CNTN5: variants seen among roughly 807,000 people sequenced by gnomAD.
The protein encoded by CNTN5 is contactin-5.
CNTN5 carries 77 observed loss-of-function variants against 129.1 expected under a neutral mutation model. The observed-to-expected ratio is 0.60, with a 90% CI of 0.50 to 0.72. The LOEUF is 0.72. Among genes scored for constraint, CNTN5 ranks in the 30% least tolerant of loss-of-function variants. CNTN5 has a pLI of 0.00. For missense variants in CNTN5, 1,478 were observed against 1,328.8 expected (o/e 1.11, Z -1.75); for synonymous variants, 509 against 465.6 (o/e 1.09, Z -1.20).
At chr11:100,303,549 T>G (rs1951277518) in intron 20 of CNTN5, among the ~76,000 whole-genome samples, 3 of 131,612 alleles carry the variant, frequency 2.3e-5, no homozygotes. Context: ...GTTGAAAGAT[T>G]TATTTACTTG....
intron 2 of CNTN5, among the ~76,000 whole-genome samples, chr11:99,491,615 C>T (rs113295743): frequency 0.026 from 3,967 of 152,092 alleles, 68 homozygotes; most frequent in Middle Eastern, 0.065. Flanking sequence ...AATGATTCAT[C>T]GAATATACAT....
At chr11:99,383,564 T>A (rs1940734708) in intron 2 of CNTN5, among the ~76,000 whole-genome samples, 1 of 151,852 alleles carries the variant, frequency 6.6e-6, no homozygotes, top group Non-Finnish European at 1.5e-5. Context: ...TTGATACTCA[T>A]TTAGTTTTCA....
At chr11:100,127,096 T>TTTTTTA (rs1946210396) in intron 13 of CNTN5, among the ~76,000 whole-genome samples, 1 of 14,024 alleles carries the variant, frequency 7.1e-5, no homozygotes, top group African/African-American at 1.9e-4. Context: ...GCGCAGCTAA[T>TTTTTTA]TTTTTTTTTT....
chr11:99,229,492 A>G (rs1479849125), intron 1 of CNTN5, among the ~76,000 whole-genome samples: 3 of 148,134 alleles, frequency 2.0e-5, no homozygotes, highest in Non-Finnish European at 4.5e-5. Flanking sequence ...CATTAGTTTT[A>G]CCACTTGAAT....
At chr11:99,786,334 C>T (rs1043930287) in intron 3 of CNTN5, among the ~76,000 whole-genome samples, 1 of 151,942 alleles carries the variant, frequency 6.6e-6, no homozygotes, top group African/African-American at 2.4e-5. Flanking sequence ...AACTACAAAC[C>T]GCTGCTCAAG....
intron 7 of CNTN5, 86 bp downstream of exon 7, chr11:99,916,235 C>A (rs1053333926): frequency 1.0e-6 from 1 of 1,001,726 alleles, no homozygotes; most frequent in Non-Finnish European, 1.5e-6. Flanking sequence ...GATGGGAGAA[C>A]ATTTCAGGTG....
intron 2 of CNTN5, among the ~76,000 whole-genome samples, chr11:99,386,361 C>A (rs115513459): frequency 6.6e-6 from 1 of 152,168 alleles, no homozygotes. Context: ...CCGAGGGCTG[C>A]GGGTTGCCCA....
chr11:100,205,881 C>CGTT (rs1948901895), intron 15 of CNTN5, among the ~76,000 whole-genome samples: 1 of 152,030 alleles, frequency 6.6e-6, no homozygotes, highest in Non-Finnish European at 1.5e-5. Flanking sequence ...TCCATGGATA[C>CGTT]AGAAGGCAAC....
intron 2 of CNTN5, among the ~76,000 whole-genome samples, chr11:99,353,234 T>C (rs1359134750): frequency 2.6e-5 from 4 of 152,248 alleles, no homozygotes; most frequent in Non-Finnish European, 4.4e-5. Flanking sequence ...TTACCTGCCT[T>C]GACCGCCTAT....
rs140846980 is a variant in CNTN5 at position 99,941,803 on chromosome 11, T to G, written c.674-15003T>G. On this transcript the variant is annotated intron_variant, in intron 7 of 24. Coordinates refer to ENST00000524871, the MANE Select transcript of CNTN5 (RefSeq NM_014361.4). ...AGTTGGAAACTAACAGCAGGGCCAG[T>G]GTGGCTAGGGTGGATTGAAGAAATA... is the stretch of plus-strand genomic sequence containing the variant. Among the ~76,000 whole-genome samples the G allele has an allele frequency of 7.2e-3, 1,097 of 152,170 alleles. 12 individuals are homozygous for G. Among genetic ancestry groups the G allele is most frequent in the African/African-American group, 0.024 (1,015 of 41,538 alleles).
chr11:99,762,615 A>G (rs567333559), intron 3 of CNTN5, among the ~76,000 whole-genome samples: 12 of 152,080 alleles, frequency 7.9e-5, no homozygotes. Flanking sequence ...GTTCTGTTCC[A>G]TTGATCAATA....
intron 18 of CNTN5, among the ~76,000 whole-genome samples, chr11:100,285,975 G>C (rs570690727): frequency 1.3e-5 from 2 of 152,190 alleles, no homozygotes; most frequent in Admixed American, 6.5e-5. Context: ...CTCCCTTTCC[G>C]AGTCAAAGAA....
chr11:99,258,555 A>G (rs1419381430), intron 1 of CNTN5, among the ~76,000 whole-genome samples: 1 of 152,046 alleles, frequency 6.6e-6, no homozygotes, highest in Non-Finnish European at 1.5e-5. Flanking sequence ...ACACAAGTTA[A>G]AAAATTACAA....
At chr11:99,590,337 C>G (rs1949938545) in intron 3 of CNTN5, among the ~76,000 whole-genome samples, 1 of 152,126 alleles carries the variant, frequency 6.6e-6, no homozygotes, top group African/African-American at 2.4e-5. Flanking sequence ...AAAAGAGATC[C>G]AAACTCAGAA....
At chr11:99,100,354 A>C (rs1276773275) in intron 1 of CNTN5, among the ~76,000 whole-genome samples, 1 of 152,164 alleles carries the variant, frequency 6.6e-6, no homozygotes, top group East Asian at 1.9e-4. Context: ...TCATGTAAGA[A>C]CAATATTCTT....
chr11:100,013,123 G>A (rs1397958512), intron 9 of CNTN5, among the ~76,000 whole-genome samples: 1 of 152,100 alleles, frequency 6.6e-6, no homozygotes, highest in Non-Finnish European at 1.5e-5. Context: ...CTTACAAATG[G>A]GAGCCAAATA....
In CNTN5 at chr11:100,199,386, G is replaced by A. The variant is rs947995797; in HGVS notation, c.1884+5723G>A. ...CTTGGTTCTTTGGCCTGCTCTGAAC[G>A]CTGGCAACCTAGTAATCCACCCATT... On this transcript the variant is annotated intron_variant, in intron 15 of 24. Coordinates refer to ENST00000524871, the MANE Select transcript of CNTN5 (RefSeq NM_014361.4). Among the ~76,000 whole-genome samples, 15 of 151,860 alleles carry A rather than the reference G, an allele frequency of 9.9e-5. No homozygotes were observed. In the East Asian group the frequency reaches 1.4e-3, roughly 14 times the overall value.
At chr11:100,122,798 A>G (rs939002870) in intron 13 of CNTN5, among the ~76,000 whole-genome samples, 1 of 152,036 alleles carries the variant, frequency 6.6e-6, no homozygotes, top group African/African-American at 2.4e-5. Flanking sequence ...AGGCTACAAA[A>G]GTACTTTGGA....
intron 13 of CNTN5, among the ~76,000 whole-genome samples, chr11:100,095,217 T>C (rs2138025269): frequency 6.6e-6 from 1 of 152,254 alleles, no homozygotes; most frequent in South Asian, 2.1e-4. Context: ...TATCTTCATT[T>C]ACACTGAGTT....
Sources: gnomAD v4.1 joint callset for allele counts (sites outside exome capture counted in the v4.1 genomes callset) on GRCh38, gnomAD v4.1.1 for gene constraint, MANE v1.5 for transcripts, NCBI Gene and HGNC (gene_info 2026-07-23, HGNC 2026-07-21) for gene names.